The following EZH1 variants were observed in gnomAD, a reference collection of about 807,000 sequenced individuals.
EZH1 encodes the protein enhancer of zeste 1 polycomb repressive complex 2 subunit.
EZH1 carries 33 observed loss-of-function variants against 100.5 expected under a neutral mutation model. The ratio of observed to expected loss-of-function variants is 0.33; its 90% CI spans 0.25 to 0.44. EZH1 has a LOEUF of 0.44. Ranked by LOEUF, EZH1 falls within the 20% of genes least tolerant of loss-of-function variation. The pLI is 1.00. For synonymous variants in EZH1, 272 were observed against 313.8 expected (o/e 0.87, Z 1.41); for missense variants, 475 against 928.4 (o/e 0.51, Z 6.35).
chr17:42,738,646 T>C (rs545472663), intron 1 of EZH1, among the ~76,000 whole-genome samples: 6 of 151,794 alleles, frequency 4.0e-5, no homozygotes, highest in Non-Finnish European at 7.4e-5. Flanking sequence ...GAGACAGGGT[T>C]TCACCATCTT....
Position 42,706,236 on chromosome 17 carries a change from G to C in EZH1, c.1661-51C>G. 1 of 1,494,490 alleles carries C rather than the reference G, an allele frequency of 6.7e-7. No homozygotes were observed. The highest frequency in any genetic ancestry group is 9.0e-7 in the Non-Finnish European group (1 of 1,107,284). 92.6% of individuals were successfully genotyped at this position (1,494,490 alleles called of 1,614,324 possible). A position where few individuals can be genotyped will look rare whatever the true frequency, so the allele number is the denominator to read the frequency against. On this transcript the variant is annotated intron_variant, in intron 15 of 20. Coordinates refer to ENST00000428826, the MANE Select transcript of EZH1 (RefSeq NM_001991.5). The surrounding 1 kb of genome is among the most constrained non-coding windows in gnomAD (Gnocchi z 4.4). The stretch of plus-strand genomic sequence containing the variant: ...TAGAAGGGAAATAAGCTAATACTGG[G>C]GCTTGTGGTTGACTCAAGGGACAGC...
At chr17:42,729,742 A>T (rs2053901732) in intron 2 of EZH1, among the ~76,000 whole-genome samples, 1 of 85,694 alleles carries the variant, frequency 1.2e-5, no homozygotes. Context: ...CCATCTCAAA[A>T]AAGAAAAAAA....
At chr17:42,739,087 T>C (rs984187588) in intron 1 of EZH1, among the ~76,000 whole-genome samples, 3 of 152,232 alleles carry the variant, frequency 2.0e-5, no homozygotes, top group Admixed American at 1.3e-4. Flanking sequence ...TTTCATCCTA[T>C]TCCTTTTTTG....
At chr17:42,719,305 C>T in intron 7 of EZH1, 98 bp from the exon 8 acceptor site, 5 of 928,640 alleles carry the variant, frequency 5.4e-6, no homozygotes, top group Admixed American at 1.8e-5. Context: ...ATTTTGATTA[C>T]AGCTGCTTTG....
At chr17:42,727,880 G>A (rs1051993473) in intron 3 of EZH1, 117 bp from the exon 4 acceptor site, 20 of 715,844 alleles carry the variant, frequency 2.8e-5, no homozygotes, top group African/African-American at 2.5e-4. Flanking sequence ...GTAGTAGCGC[G>A]ATCTCAGCTC....
At chr17:42,719,356 G>A in intron 7 of EZH1, 149 bp from the exon 8 acceptor site, 1 of 636,994 alleles carries the variant, frequency 1.6e-6, no homozygotes, top group Non-Finnish European at 2.8e-6. Flanking sequence ...ATAAACATCA[G>A]TGCTATCTGG....
rs146112289 is a variant in EZH1, at chr17:42,735,724, A to C, written c.-102-4806T>G. ...AGCAGAAGGCTGGATGTGGTGGCTC[A>C]TGCCTGTAATCCCAGCACTTTGGGA... On this transcript the variant is annotated intron_variant, in intron 1 of 20. Transcript: ENST00000428826. Among the ~76,000 whole-genome samples, 775 of 152,320 alleles carry C rather than the reference A, an allele frequency of 5.1e-3. 9 individuals are homozygous for C. The highest frequency in any genetic ancestry group is 0.017 in the African/African-American group (718 of 41,588).
At chr17:42,723,476 TC>T (rs1468249469) in intron 5 of EZH1, among the ~76,000 whole-genome samples, 1 of 151,706 alleles carries the variant, frequency 6.6e-6, no homozygotes, top group Non-Finnish European at 1.5e-5. Flanking sequence ...AACTGGGCAA[TC>T]ATAAGACATG....
At chr17:42,713,057 A>G in intron 11 of EZH1, 152 bp downstream of exon 11, 1 of 705,656 alleles carries the variant, frequency 1.4e-6, no homozygotes, top group Non-Finnish European at 2.2e-6. Flanking sequence ...AAAAAAAAAA[A>G]AGAAAATATT....
intron 1 of EZH1, among the ~76,000 whole-genome samples, chr17:42,739,096 T>G (rs893317570): frequency 6.6e-6 from 1 of 152,188 alleles, no homozygotes; most frequent in Non-Finnish European, 1.5e-5. Flanking sequence ...ATTCCTTTTT[T>G]GATTCATAGT....
chr17:42,716,858 C>A (rs1302049530), intron 10 of EZH1, among the ~76,000 whole-genome samples: 1 of 152,100 alleles, frequency 6.6e-6, no homozygotes, highest in Non-Finnish European at 1.5e-5. Flanking sequence ...GCCACCACAC[C>A]TGGTTAATTT....
chr17:42,724,254 A>G, intron 5 of EZH1, 51 bp downstream of exon 5: 13 of 1,605,076 alleles, frequency 8.1e-6, no homozygotes, highest in Non-Finnish European at 1.1e-5. Flanking sequence ...GCATATCAAC[A>G]TAACACAATC....
At chr17:42,744,519 T>C (rs894947630) in intron 1 of EZH1, among the ~76,000 whole-genome samples, 42 of 152,142 alleles carry the variant, frequency 2.8e-4, no homozygotes, top group African/African-American at 9.9e-4. Context: ...CTTACTCACC[T>C]CACCCTAGTC....
intron 14 of EZH1, 88 bp from the exon 15 acceptor site, chr17:42,708,171 G>C (rs1354989904): frequency 6.8e-7 from 1 of 1,476,352 alleles, no homozygotes; most frequent in African/African-American, 1.4e-5. Context: ...TGATTCAGAG[G>C]AGGCTGGTCC....
intron 19 of EZH1, 128 bp from the exon 20 acceptor site, chr17:42,703,089 A>G: frequency 1.2e-6 from 1 of 838,784 alleles, no homozygotes; most frequent in East Asian, 2.5e-5. Context: ...AAAGTAGTCA[A>G]TATGGTAGTT....
At chr17:42,703,922 T>A in intron 18 of EZH1, 102 bp from the exon 19 acceptor site, 1 of 854,290 alleles carries the variant, frequency 1.2e-6, no homozygotes, top group South Asian at 1.4e-5. Flanking sequence ...AACACTTTAG[T>A]CTGATGGGAA....
intron 7 of EZH1, among the ~76,000 whole-genome samples, chr17:42,719,537 G>A (rs1344205796): frequency 1.3e-5 from 2 of 152,174 alleles, no homozygotes; most frequent in Non-Finnish European, 2.9e-5. Context: ...AGGAGTTTGA[G>A]ACCAGCCTGG....
intron 1 of EZH1, among the ~76,000 whole-genome samples, chr17:42,732,370 C>T (rs768346742): frequency 1.3e-5 from 2 of 152,096 alleles, no homozygotes; most frequent in Non-Finnish European, 2.9e-5. Flanking sequence ...CAGTGGCTTA[C>T]ATCTGTAATC....
In EZH1 at chr17:42,705,194, G is replaced by C. The variant is rs1192415775; in HGVS notation, c.1840-11C>G. ...GGCCAGCAGCAGGTGCTGGGGAAGA[G>C]GGGGCCAAGTCTCAGACTACAGGGT... On this transcript the variant is annotated splice_polypyrimidine_tract_variant and intron_variant, in intron 16 of 20. Transcript: ENST00000428826. 16 of 1,602,674 alleles carry C rather than the reference G, an allele frequency of 1.0e-5. No homozygotes were observed. The highest frequency in any genetic ancestry group is 1.4e-5 in the Non-Finnish European group (16 of 1,171,280).
Sources: gnomAD v4.1 joint callset for allele counts (sites outside exome capture counted in the v4.1 genomes callset) on GRCh38, gnomAD v4.1.1 for gene constraint, Gnocchi (gnomAD v3.1) non-coding constraint, MANE v1.5 for transcripts, NCBI Gene and HGNC (gene_info 2026-07-23, HGNC 2026-07-21) for gene names.